DLGAP2: variants seen among roughly 807,000 people sequenced by gnomAD.
The protein encoded by DLGAP2 is disks large-associated protein 2.
In DLGAP2, 26 loss-of-function variants were observed where a neutral mutation model predicts 100.3. That is an observed-to-expected ratio of 0.26 (90% CI 0.19 to 0.36). The LOEUF is 0.36. Among genes scored for constraint, DLGAP2 ranks in the 10% least tolerant of loss-of-function variants. DLGAP2 has a pLI of 1.00. For missense variants in DLGAP2, 1,858 were observed against 1,453.2 expected, an observed-to-expected ratio of 1.28 and a Z score of -4.53; for synonymous variants, 886 against 630.1, an observed-to-expected ratio of 1.41 and a Z score of -6.08.
intron 8 of DLGAP2, among the ~76,000 whole-genome samples, 185 bp downstream of exon 8, chr8:1,633,231 C>G (rs143603134): frequency 3.3e-5 from 5 of 152,238 alleles, no homozygotes; most frequent in African/African-American, 9.6e-5. Flanking sequence ...TGTAGATAAC[C>G]TTTCTTTTTC....
chr8:1,033,821 T>C (rs34150393), intron 2 of DLGAP2, among the ~76,000 whole-genome samples: 198 of 84,248 alleles, frequency 2.4e-3, no homozygotes, highest in South Asian at 0.011. Flanking sequence ...CGCGAGTGGA[T>C]TCACACGCTC....
At position 901,813 on chromosome 8, in the gene DLGAP2, C is replaced by G. The variant is rs187144267; in HGVS notation, c.19-6099C>G. ...CTCCCAGGCTCATCAACAAGCATCT[C>G]GTACGTTGCCAGCCATTTAATACTT... On this transcript the variant is annotated intron_variant, in intron 1 of 14. Coordinates refer to ENST00000637795, the MANE Select transcript of DLGAP2 (RefSeq NM_001346810.2). Among the ~76,000 whole-genome samples, 162 of 152,358 alleles carry G rather than the reference C, an allele frequency of 1.1e-3. 1 individual carries two copies. Among genetic ancestry groups the G allele is most frequent in the African/African-American group, 3.2e-3 (131 of 41,578 alleles).
intron 2 of DLGAP2, among the ~76,000 whole-genome samples, chr8:1,169,312 G>C (rs1281937787): frequency 6.6e-6 from 1 of 152,162 alleles, no homozygotes; most frequent in African/African-American, 2.4e-5. Context: ...AAGTCAGGTA[G>C]CGTGATGCCT....
intron 1 of DLGAP2, among the ~76,000 whole-genome samples, chr8:762,180 C>T (rs1231885698): frequency 6.6e-6 from 1 of 152,106 alleles, no homozygotes; most frequent in Non-Finnish European, 1.5e-5. Context: ...TAATGCTTGG[C>T]CCAATTAGTC....
chr8:1,616,055 T>G (rs79190336), intron 6 of DLGAP2, among the ~76,000 whole-genome samples: 4,337 of 152,094 alleles, frequency 0.029, 198 homozygotes, highest in African/African-American at 0.098. Context: ...AGAAATGAAA[T>G]CCATGAGAAA....
intron 3 of DLGAP2, among the ~76,000 whole-genome samples, chr8:1,355,665 G>C (rs551167596): frequency 6.6e-6 from 1 of 152,194 alleles, no homozygotes; most frequent in East Asian, 1.9e-4. Context: ...ACCTGGCCAA[G>C]TACGAGTATT....
intron 3 of DLGAP2, among the ~76,000 whole-genome samples, chr8:1,431,374 C>G (rs371541008): frequency 6.6e-6 from 1 of 152,230 alleles, no homozygotes; most frequent in Non-Finnish European, 1.5e-5. Flanking sequence ...TCCTTGACTG[C>G]ACGTCTGATC....
At chr8:1,442,900 T>C (rs1181539773) in intron 3 of DLGAP2, among the ~76,000 whole-genome samples, 3 of 152,262 alleles carry the variant, frequency 2.0e-5, no homozygotes, top group Non-Finnish European at 4.4e-5. Context: ...GTCTAGCTAT[T>C]TGTATGACAT....
intron 3 of DLGAP2, among the ~76,000 whole-genome samples, chr8:1,260,805 T>A (rs1017367165): frequency 2.6e-5 from 4 of 152,184 alleles, no homozygotes; most frequent in Non-Finnish European, 4.4e-5. Context: ...CAGGCTGACT[T>A]GAGGCGACTG....
At chr8:1,537,986 G>T (rs942144246) in intron 4 of DLGAP2, among the ~76,000 whole-genome samples, 1 of 152,156 alleles carries the variant, frequency 6.6e-6, no homozygotes, top group Non-Finnish European at 1.5e-5. Flanking sequence ...GATACTGCGG[G>T]GGGAACAGAG....
rs565879979 is a variant in DLGAP2, at chr8:913,616, A to T, written c.73+5650A>T. Among the ~76,000 whole-genome samples, 3 of 152,368 alleles carry T rather than the reference A, an allele frequency of 2.0e-5. No homozygotes were observed. In the South Asian group the frequency reaches 6.2e-4, roughly 32 times the overall value. ...CTTTTTATAATGCTTTCCAGTTTAT[A>T]AGGTGCTTTCACATTCATCTTGACT... On this transcript the variant is annotated intron_variant, in intron 2 of 14. Transcript: ENST00000637795.
intron 6 of DLGAP2, among the ~76,000 whole-genome samples, chr8:1,625,359 A>T (rs548180689): frequency 1.3e-5 from 2 of 152,340 alleles, no homozygotes; most frequent in Admixed American, 6.5e-5. Flanking sequence ...CCAGAAGTTT[A>T]AGCTAAGCCA....
At chr8:957,020 C>T (rs1239762957) in intron 2 of DLGAP2, among the ~76,000 whole-genome samples, 2 of 152,206 alleles carry the variant, frequency 1.3e-5, no homozygotes, top group African/African-American at 4.8e-5. Flanking sequence ...GAAATGTCAC[C>T]TGTCAGTTGT....
rs953957184 is a variant in DLGAP2 at position 1,308,612 on chromosome 8, A to G, written c.106+49729A>G. ...GTGATCTCAGCTCACTGCAACCTCA[A>G]CCTCCTGGGTTCAAGTGATTCTCCT... On this transcript the variant is annotated intron_variant, in intron 3 of 14. Transcript: ENST00000637795. Among the ~76,000 whole-genome samples the G allele has an allele frequency of 1.3e-5, 2 of 152,058 alleles. 1 individual carries two copies. The highest frequency in any genetic ancestry group is 2.9e-5 in the Non-Finnish European group (2 of 68,016).
At chr8:1,312,102 G>T (rs528309338) in intron 3 of DLGAP2, among the ~76,000 whole-genome samples, 1 of 152,356 alleles carries the variant, frequency 6.6e-6, no homozygotes, top group South Asian at 2.1e-4. Flanking sequence ...GCAGAACACA[G>T]ATTCTTCCCA....
rs144462199 is a variant in DLGAP2, at chr8:824,331, G to A, written c.19-83581G>A. ...GCTCAAGCAATGTCTTTGTCTCGGC[G>A]TCCCACAGTGCTGGGATTGCAGGTG... On this transcript the variant is annotated intron_variant, in intron 1 of 14. Transcript: ENST00000637795. 2.9e-3 allele frequency among the ~76,000 whole-genome samples: 442 copies of A among 152,118 alleles called. 1 individual carries two copies. The highest frequency in any genetic ancestry group is 4.5e-3 in the Non-Finnish European group (308 of 68,000).
At chr8:1,638,766 T>G (rs558007585) in intron 8 of DLGAP2, among the ~76,000 whole-genome samples, 13 of 152,182 alleles carry the variant, frequency 8.5e-5, no homozygotes, top group Middle Eastern at 6.8e-3. Context: ...CAGGACTTCA[T>G]CCAGGAAGCT....
At chr8:1,163,777 T>A (rs1015876978) in intron 2 of DLGAP2, among the ~76,000 whole-genome samples, 4 of 152,130 alleles carry the variant, frequency 2.6e-5, no homozygotes, top group African/African-American at 7.2e-5. Context: ...CTGCCTTCTG[T>A]TTTCTAAATG....
intron 6 of DLGAP2, among the ~76,000 whole-genome samples, chr8:1,578,959 T>A (rs1372314762): frequency 2.0e-5 from 3 of 152,186 alleles, no homozygotes; most frequent in African/African-American, 7.2e-5. Flanking sequence ...AAATGCAAAT[T>A]CCAAGTCCTA....
Sources: allele counts gnomAD v4.1 joint callset (sites outside exome capture counted in the v4.1 genomes callset), GRCh38; gene constraint gnomAD v4.1.1; transcripts MANE v1.5; gene names NCBI Gene and HGNC (gene_info 2026-07-23, HGNC 2026-07-21).